The following CAMKMT variants were observed in gnomAD, a reference collection of about 807,000 sequenced individuals.
CAMKMT encodes the protein CaM KMT.
CAMKMT carries 53 observed loss-of-function variants against 48.0 expected under a neutral mutation model. The ratio of observed to expected loss-of-function variants is 1.10; its 90% confidence interval spans 0.89 to 1.39. The LOEUF is 1.39. Among genes scored for constraint, CAMKMT ranks in the 40% most tolerant of loss-of-function variants. The pLI, the probability that CAMKMT is intolerant of heterozygous loss-of-function variation, is 0.00. For synonymous variants in CAMKMT, 165 were observed against 152.3 expected, an observed-to-expected ratio of 1.08 and a Z score of -0.61; for missense variants, 428 against 402.7, an observed-to-expected ratio of 1.06 and a Z score of -0.54.
chr2:44,619,030 T>G (rs1020865766), intron 3 of CAMKMT, among the ~76,000 whole-genome samples: 10 of 152,210 alleles, frequency 6.6e-5, no homozygotes, highest in African/African-American at 2.4e-4. Context: ...TTTTATTCTG[T>G]GACCTTTGGT....
rs1680038243 is a variant in CAMKMT at position 44,749,040 on chromosome 2, T to TA, written c.699-5012dup. Among the ~76,000 whole-genome samples the TA allele has an allele frequency of 2.0e-5, 3 of 152,330 alleles. No homozygotes were observed. The South Asian group carries it at 6.2e-4, about 32-fold the overall frequency. On this transcript the variant is annotated intron_variant, in intron 8 of 10. Transcript: ENST00000378494. ...TTTGAGAATGTAGTTTTGGGAAAGATAAAGTCTTTCCATGGGTAATAATCA... is the reference window on the plus strand; with the variant it reads ...TTTGAGAATGTAGTTTTGGGAAAGATAAAAGTCTTTCCATGGGTAATAATCA...
chr2:44,508,952 C>T (rs543087047), intron 3 of CAMKMT, among the ~76,000 whole-genome samples: 45 of 151,736 alleles, frequency 3.0e-4, no homozygotes, highest in East Asian at 7.8e-4. Flanking sequence ...AAAAATTAGC[C>T]GGGTGTGGTG....
intron 3 of CAMKMT, among the ~76,000 whole-genome samples, chr2:44,591,505 TC>T (rs1384759456): frequency 6.6e-6 from 1 of 152,158 alleles, no homozygotes; most frequent in Non-Finnish European, 1.5e-5. Flanking sequence ...TATTTTATTC[TC>T]TTTGAAGCAA....
chr2:44,585,631 T>C (rs1272658288), intron 3 of CAMKMT, among the ~76,000 whole-genome samples: 1 of 152,206 alleles, frequency 6.6e-6, no homozygotes, highest in African/African-American at 2.4e-5. Flanking sequence ...CTCTGGAAGA[T>C]TGTTATAGAT....
intron 3 of CAMKMT, among the ~76,000 whole-genome samples, chr2:44,491,617 A>G (rs905526467): frequency 1.3e-5 from 2 of 152,234 alleles, no homozygotes; most frequent in Admixed American, 6.5e-5. Context: ...AGAAATATGT[A>G]ACTTACACTG....
intron 9 of CAMKMT, among the ~76,000 whole-genome samples, chr2:44,757,665 G>A (rs1044632832): frequency 2.6e-5 from 4 of 151,082 alleles, no homozygotes; most frequent in Admixed American, 6.6e-5. Flanking sequence ...CCAGGTTCAA[G>A]CAATTCTCCT....
At chr2:44,710,628 T>C (rs1428521174) in intron 6 of CAMKMT, among the ~76,000 whole-genome samples, 2 of 152,054 alleles carry the variant, frequency 1.3e-5, no homozygotes, top group Non-Finnish European at 2.9e-5. Flanking sequence ...CTTTTTTTTT[T>C]GGCAATGCCC....
intron 3 of CAMKMT, among the ~76,000 whole-genome samples, chr2:44,513,138 T>A (rs1670651746): frequency 1.3e-5 from 2 of 152,162 alleles, no homozygotes; most frequent in Admixed American, 1.3e-4. Context: ...TTCCAAGCCA[T>A]TTAGAGGGAG....
intron 7 of CAMKMT, among the ~76,000 whole-genome samples, chr2:44,733,536 C>T (rs1049108765): frequency 2.0e-5 from 3 of 152,100 alleles, no homozygotes; most frequent in African/African-American, 7.2e-5. Context: ...AAGAAAGCAT[C>T]GGGTCTTTCA....
At chr2:44,728,987 G>A (rs983370868) in intron 7 of CAMKMT, among the ~76,000 whole-genome samples, 8 of 144,202 alleles carry the variant, frequency 5.5e-5, no homozygotes, top group African/African-American at 2.1e-4. Context: ...GGTTTACTGT[G>A]TCTTATTTCA....
intron 3 of CAMKMT, among the ~76,000 whole-genome samples, chr2:44,686,773 G>C (rs901727731): frequency 6.6e-6 from 1 of 152,226 alleles, no homozygotes; most frequent in Non-Finnish European, 1.5e-5. Context: ...TATACCACCA[G>C]ACAGGTCACT....
chr2:44,504,266 A>C (rs561170894), intron 3 of CAMKMT, among the ~76,000 whole-genome samples: 1 of 152,254 alleles, frequency 6.6e-6, no homozygotes, highest in South Asian at 2.1e-4. Context: ...CTTCCCCCAG[A>C]ATCCTAGAAG....
At chr2:44,370,863 T>G (rs1202430811) in intron 1 of CAMKMT, among the ~76,000 whole-genome samples, 1 of 152,232 alleles carries the variant, frequency 6.6e-6, no homozygotes, top group East Asian at 1.9e-4. Flanking sequence ...CAATTTGGAG[T>G]GCAATGGCTT....
chr2:44,672,271 C>G (rs779769813), intron 3 of CAMKMT, among the ~76,000 whole-genome samples: 1 of 152,148 alleles, frequency 6.6e-6, no homozygotes, highest in Non-Finnish European at 1.5e-5. Context: ...CATACTTACT[C>G]GGGAAGAGTG....
At chr2:44,536,556 G>A (rs1558685602) in intron 3 of CAMKMT, among the ~76,000 whole-genome samples, 1 of 151,864 alleles carries the variant, frequency 6.6e-6, no homozygotes. Context: ...TCATACTCCT[G>A]ACCTCAAGTG....
At chr2:44,443,946 A>C (rs1253434609) in intron 3 of CAMKMT, among the ~76,000 whole-genome samples, 7 of 152,218 alleles carry the variant, frequency 4.6e-5, no homozygotes, top group African/African-American at 1.7e-4. Flanking sequence ...AGGCTTTTAA[A>C]TGTCTTGTAC....
chr2:44,499,019 T>C (rs550832403), intron 3 of CAMKMT, among the ~76,000 whole-genome samples: 1 of 152,302 alleles, frequency 6.6e-6, no homozygotes, highest in Non-Finnish European at 1.5e-5. Flanking sequence ...ATAGATGATA[T>C]TTGCAAAACC....
At chr2:44,590,118 T>C (rs531454351) in intron 3 of CAMKMT, among the ~76,000 whole-genome samples, 15 of 151,836 alleles carry the variant, frequency 9.9e-5, no homozygotes, top group Non-Finnish European at 1.8e-4. Context: ...AGATGCCTTT[T>C]ATTTCTTTTC....
intron 3 of CAMKMT, among the ~76,000 whole-genome samples, chr2:44,594,343 C>T (rs560525097): frequency 4.6e-5 from 7 of 152,186 alleles, no homozygotes; most frequent in South Asian, 2.1e-4. Flanking sequence ...AAAAAGAGCC[C>T]GTATAGCCAA....
Sources: gnomAD v4.1 joint callset for allele counts (sites outside exome capture counted in the v4.1 genomes callset) on GRCh38, gnomAD v4.1.1 for gene constraint, MANE v1.5 for transcripts, NCBI Gene and HGNC (gene_info 2026-07-23, HGNC 2026-07-21) for gene names.